The following PGBD5 variants were observed in gnomAD, a reference collection of about 807,000 sequenced individuals.
PGBD5 encodes the protein piggyBac transposable element derived 5.
In PGBD5, 14 loss-of-function variants were observed where a neutral mutation model predicts 47.9. The observed-to-expected ratio is 0.29, with a 90% CI of 0.19 to 0.46. The LOEUF (loss-of-function observed/expected upper bound fraction) is 0.46. PGBD5 is among the 20% of genes least tolerant of loss of function. The pLI, the probability that PGBD5 is intolerant of heterozygous loss-of-function variation, is 1.00. For missense variants in PGBD5, 635 were observed against 716.0 expected, an observed-to-expected ratio of 0.89 and a Z score of 1.29; for synonymous variants, 316 against 306.3, an observed-to-expected ratio of 1.03 and a Z score of -0.33.
intron 1 of PGBD5, among the ~76,000 whole-genome samples, chr1:230,389,153 G>C (rs955342932): frequency 6.6e-6 from 1 of 151,564 alleles, no homozygotes; most frequent in African/African-American, 2.4e-5. Context: ...GAGGTTCTAC[G>C]CAAGTGATGA....
intron 1 of PGBD5, among the ~76,000 whole-genome samples, chr1:230,392,204 CCCACA>C (rs1656803130): frequency 6.6e-6 from 1 of 152,252 alleles, no homozygotes; most frequent in Admixed American, 6.5e-5. Context: ...GCCACATCCC[CCCACA>C]CCGGGGCTGC....
At chr1:230,369,094 T>G (rs1243562104) in intron 1 of PGBD5, among the ~76,000 whole-genome samples, 1 of 152,246 alleles carries the variant, frequency 6.6e-6, no homozygotes, top group Non-Finnish European at 1.5e-5. Flanking sequence ...AATGAGAGTC[T>G]CGGGTGAAGC....
chr1:230,391,776 T>C (rs1656790653), intron 1 of PGBD5, among the ~76,000 whole-genome samples: 1 of 152,202 alleles, frequency 6.6e-6, no homozygotes, highest in South Asian at 2.1e-4. Context: ...TAGTAGCCAA[T>C]AAATAGCAGA....
chr1:230,332,526 G>C lies in PGBD5; in HGVS notation c.1273+318C>G, dbSNP rs576233479. Among the ~76,000 whole-genome samples the C allele has an allele frequency of 1.1e-4, 16 of 152,304 alleles. No individual in the cohort carries two copies. In the East Asian group the frequency reaches 3.1e-3, roughly 29 times the overall value. On this transcript the variant is annotated intron_variant, in intron 5 of 6. Coordinates refer to ENST00000391860, the MANE Select transcript of PGBD5 (RefSeq NM_001258311.2). Reference sequence around the variant, plus strand: ...AGAACGGATTTTTCACAGAATCCCAGACGACAAAGTGAAATGCCATTCAAA... The same window carrying C: ...AGAACGGATTTTTCACAGAATCCCACACGACAAAGTGAAATGCCATTCAAA...
chr1:230,425,849 T>TGCAGGCTCTCGTAGCGCGCGCGG lies in PGBD5; in HGVS notation c.57_79dup (p.His27ProfsTer144). Reference sequence around the variant, plus strand: ...CTCGCCGAACACGTCGTCCGAGATGTGCAGGCTCTCGTAGCGCGCGCGGGC... The same window carrying TGCAGGCTCTCGTAGCGCGCGCGG: ...CTCGCCGAACACGTCGTCCGAGATGTGCAGGCTCTCGTAGCGCGCGCGGGCAGGCTCTCGTAGCGCGCGCGGGC... On this transcript the variant is annotated frameshift_variant, in exon 1 of 7. Transcript: ENST00000391860. LOFTEE classifies it high-confidence loss of function. The surrounding 1 kb of genome is among the most constrained non-coding windows in gnomAD (Gnocchi z 4.7). 8.3e-7 allele frequency: 1 copy of TGCAGGCTCTCGTAGCGCGCGCGG among 1,199,616 alleles called. No homozygotes were observed. The highest frequency in any genetic ancestry group is 1.0e-6 in the Non-Finnish European group (1 of 967,904). The allele number at this position is 1,199,616 out of a possible 1,614,324, so 74.3% of individuals were successfully genotyped here. A position where few individuals can be genotyped will look rare whatever the true frequency, so the allele number is the denominator to read the frequency against.
intron 4 of PGBD5, among the ~76,000 whole-genome samples, chr1:230,334,606 G>T (rs1667273193): frequency 1.8e-5 from 1 of 55,800 alleles, no homozygotes; most frequent in Non-Finnish European, 5.4e-5. Flanking sequence ...CCCCCAGGGT[G>T]GGGGGACAGT....
At chr1:230,368,316 A>C (rs1316519578) in intron 1 of PGBD5, among the ~76,000 whole-genome samples, 1 of 152,268 alleles carries the variant, frequency 6.6e-6, no homozygotes, top group African/African-American at 2.4e-5. Context: ...GCAACCGGGA[A>C]GAGTGTGCGG....
chr1:230,344,081 G>C (rs910210637), intron 3 of PGBD5, among the ~76,000 whole-genome samples: 1 of 152,128 alleles, frequency 6.6e-6, no homozygotes, highest in South Asian at 2.1e-4. Flanking sequence ...GTCAGGAGAT[G>C]CAGACCATCC....
intron 1 of PGBD5, among the ~76,000 whole-genome samples, chr1:230,412,755 G>A (rs1657440040): frequency 6.6e-6 from 1 of 152,124 alleles, no homozygotes; most frequent in African/African-American, 2.4e-5. Context: ...GAAGAGGAGT[G>A]GTTGGTCTTG....
At chr1:230,368,578 GA>G (rs1338597128) in intron 1 of PGBD5, among the ~76,000 whole-genome samples, 1 of 152,240 alleles carries the variant, frequency 6.6e-6, no homozygotes, top group Non-Finnish European at 1.5e-5. Flanking sequence ...GACGCAGGGG[GA>G]TGATGACTCT....
chr1:230,422,377 G>A (rs567945824), intron 1 of PGBD5, among the ~76,000 whole-genome samples: 6 of 152,202 alleles, frequency 3.9e-5, no homozygotes, highest in African/African-American at 1.4e-4. Flanking sequence ...CAAAGAGTGA[G>A]CTCACATGCT....
rs1203074420 is a variant in PGBD5, at chr1:230,404,625, AAAAAAT to A, written c.331+20967_331+20972del. 5.0e-3 allele frequency among the ~76,000 whole-genome samples: 628 copies of A among 125,966 alleles called. 2 individuals are homozygous for A. Among genetic ancestry groups the A allele is most frequent in the South Asian group, 0.036 (141 of 3,872 alleles). 82.6% of individuals were successfully genotyped at this position (125,966 alleles called of 152,430 possible). On this transcript the variant is annotated intron_variant, in intron 1 of 6. Coordinates refer to ENST00000391860, the MANE Select transcript of PGBD5 (RefSeq NM_001258311.2). ...AAGTCTTGTCTCAAAAAAAAAAAAAAAAAAATATATATATATATATATATGGCCTGG... is the reference window on the plus strand; with the variant it reads ...AAGTCTTGTCTCAAAAAAAAAAAAAAATATATATATATATATATGGCCTGG...
chr1:230,384,224 C>T (rs1656582794), intron 1 of PGBD5, among the ~76,000 whole-genome samples: 1 of 152,108 alleles, frequency 6.6e-6, no homozygotes, highest in South Asian at 2.1e-4. Context: ...AAACAACAAA[C>T]AGGAGTAGTA....
intron 5 of PGBD5, 39 bp from the exon 6 acceptor site, chr1:230,325,454 C>G (rs1395473881): frequency 6.9e-7 from 1 of 1,446,102 alleles, no homozygotes; most frequent in East Asian, 2.3e-5. Context: ...TCCTCAGCAC[C>G]TCCTCCTAAT....
At chr1:230,400,167 C>G (rs541366653) in intron 1 of PGBD5, among the ~76,000 whole-genome samples, 71 of 152,356 alleles carry the variant, frequency 4.7e-4, no homozygotes, top group African/African-American at 1.7e-3. Flanking sequence ...CAGGCACACT[C>G]CTGCCTCGGG....
At position 230,317,724 on chromosome 1, in the gene PGBD5, C is replaced by T. The variant is rs756233803; in HGVS notation, c.*5701G>A. ...CTTGACACGTGAGGGAAGCCGCACA[C>T]ACTCCTCCATCGTCTTCCTAGGTCT... On this transcript the variant is annotated 3_prime_UTR_variant, in exon 7 of 7. Transcript: ENST00000391860. 1 of 152,174 alleles carries T rather than the reference C, an allele frequency of 6.6e-6. No homozygotes were observed. The highest frequency in any genetic ancestry group is 1.5e-5 in the Non-Finnish European group (1 of 68,052). 9.4% of individuals were successfully genotyped at this position (152,174 alleles called of 1,614,324 possible).
rs1443384246 is a variant in PGBD5 at position 230,320,272 on chromosome 1, A to C, written c.*3153T>G. The C allele has an allele frequency of 2.0e-5, 3 of 152,160 alleles. No homozygotes were observed. Among genetic ancestry groups the C allele is most frequent in the Non-Finnish European group, 4.4e-5 (3 of 68,040 alleles). The allele number at this position is 152,160 out of a possible 1,614,324, so 9.4% of individuals were successfully genotyped here. On this transcript the variant is annotated 3_prime_UTR_variant, in exon 7 of 7. Coordinates refer to ENST00000391860, the MANE Select transcript of PGBD5 (RefSeq NM_001258311.2). ...ACAGACATTCACTCAATGAAGTTAA[A>C]TTTGCCTAAGAAGGACCTCACGGGA...
chr1:230,320,870 A>G lies in PGBD5; in HGVS notation c.*2555T>C, dbSNP rs1272817252. Reference sequence around the variant, plus strand: ...AGAAGAGAAACTCTTCTCAGTCAACAGCATTCCTCCAGAGACCTGAAGTGG... The same window carrying G: ...AGAAGAGAAACTCTTCTCAGTCAACGGCATTCCTCCAGAGACCTGAAGTGG... On this transcript the variant is annotated 3_prime_UTR_variant, in exon 7 of 7. Coordinates refer to ENST00000391860, the MANE Select transcript of PGBD5 (RefSeq NM_001258311.2). 6.6e-6 allele frequency: 1 copy of G among 152,248 alleles called. No homozygotes were observed. Among genetic ancestry groups the G allele is most frequent in the Non-Finnish European group, 1.5e-5 (1 of 68,058 alleles). 9.4% of individuals were successfully genotyped at this position (152,248 alleles called of 1,614,324 possible). A position where few individuals can be genotyped will look rare whatever the true frequency, so the allele number is the denominator to read the frequency against.
chr1:230,329,519 C>G (rs934252758), intron 5 of PGBD5, among the ~76,000 whole-genome samples: 2 of 152,072 alleles, frequency 1.3e-5, no homozygotes, highest in East Asian at 3.9e-4. Flanking sequence ...CTGATATATA[C>G]ATATATATTT....
Sources: allele counts gnomAD v4.1 joint callset (sites outside exome capture counted in the v4.1 genomes callset), GRCh38; gene constraint gnomAD v4.1.1; non-coding constraint Gnocchi (gnomAD v3.1); transcripts MANE v1.5; gene names NCBI Gene and HGNC (gene_info 2026-07-23, HGNC 2026-07-21).